KCTD8: variants seen among roughly 807,000 people sequenced by gnomAD.
KCTD8 encodes BTB/POZ domain-containing protein KCTD8.
A neutral mutation model predicts 31.5 loss-of-function variants in KCTD8; 27 were observed. That is an observed-to-expected ratio of 0.86 (90% CI 0.63 to 1.18). KCTD8 has a LOEUF of 1.18. Among genes scored for constraint, KCTD8 ranks in the 50% most tolerant of loss-of-function variants. The pLI is 0.00. For synonymous variants in KCTD8, 290 were observed against 280.0 expected, an observed-to-expected ratio of 1.04 and a Z score of -0.36; for missense variants, 658 against 647.7, an observed-to-expected ratio of 1.02 and a Z score of -0.17.
intron 1 of KCTD8, among the ~76,000 whole-genome samples, chr4:44,230,167 G>T (rs568308053): frequency 6.6e-6 from 1 of 152,148 alleles, no homozygotes; most frequent in African/African-American, 2.4e-5. Context: ...CGGATTCACC[G>T]CTGGTAACTT....
At chr4:44,270,299 C>A (rs534151297) in intron 1 of KCTD8, among the ~76,000 whole-genome samples, 2 of 149,116 alleles carry the variant, frequency 1.3e-5, no homozygotes, top group South Asian at 2.1e-4. Flanking sequence ...GGACAAAAAA[C>A]CAAACACTGC....
At chr4:44,235,021 T>G (rs556966708) in intron 1 of KCTD8, among the ~76,000 whole-genome samples, 11 of 152,168 alleles carry the variant, frequency 7.2e-5, no homozygotes, top group Non-Finnish European at 1.2e-4. Context: ...GCTTGCTTCT[T>G]GTCTTATCTA....
At chr4:44,199,052 G>A (rs1714036505) in intron 1 of KCTD8, among the ~76,000 whole-genome samples, 1 of 151,908 alleles carries the variant, frequency 6.6e-6, no homozygotes. Context: ...GAGGGACAAA[G>A]AAGGGCATTA....
chr4:44,310,954 A>C (rs1299619958), intron 1 of KCTD8, among the ~76,000 whole-genome samples: 2 of 152,092 alleles, frequency 1.3e-5, no homozygotes, highest in Non-Finnish European at 2.9e-5. Flanking sequence ...ACAAGACCAG[A>C]ACAAAGCAGA....
At chr4:44,242,733 A>G (rs1353035079) in intron 1 of KCTD8, among the ~76,000 whole-genome samples, 2 of 152,080 alleles carry the variant, frequency 1.3e-5, no homozygotes, top group Non-Finnish European at 2.9e-5. Flanking sequence ...ATTTCTCATG[A>G]ATGGTTTAGC....
chr4:44,381,657 G>T (rs943419204), intron 1 of KCTD8, among the ~76,000 whole-genome samples: 1 of 152,048 alleles, frequency 6.6e-6, no homozygotes, highest in African/African-American at 2.4e-5. Context: ...GAGGTGATTA[G>T]ATCATAGAGG....
chr4:44,334,947 T>C (rs1197681801), intron 1 of KCTD8, among the ~76,000 whole-genome samples: 5 of 152,080 alleles, frequency 3.3e-5, no homozygotes, highest in Non-Finnish European at 7.4e-5. Flanking sequence ...TCACACATAG[T>C]TGGCAAATTC....
intron 1 of KCTD8, among the ~76,000 whole-genome samples, chr4:44,338,090 T>C (rs1042499780): frequency 2.6e-5 from 4 of 152,018 alleles, no homozygotes; most frequent in Admixed American, 2.6e-4. Flanking sequence ...CCTCTTATTA[T>C]AAATAATATA....
At chr4:44,204,379 G>C (rs575164398) in intron 1 of KCTD8, among the ~76,000 whole-genome samples, 1 of 152,078 alleles carries the variant, frequency 6.6e-6, no homozygotes. Context: ...GTTAAAGATC[G>C]ACCCCTGATC....
At chr4:44,348,188 CT>C (rs1719083801) in intron 1 of KCTD8, among the ~76,000 whole-genome samples, 1 of 152,046 alleles carries the variant, frequency 6.6e-6, no homozygotes, top group African/African-American at 2.4e-5. Flanking sequence ...TGTAGGTCAG[CT>C]ATGAAAATCA....
At position 44,447,890 on chromosome 4, in the gene KCTD8, C is replaced by G; in HGVS notation, c.634G>C (p.Gly212Arg). ...ACGGTGGTGTAGGAGCCCCGGTAGC[C>G]CAGCGTGAGGAAGCCCGAGCGCTTG... ...QDKRSGFLTL[G>R]YRGSYTTVRD... is the part of the protein sequence containing the mutation. The change falls in exon 1 of 2, where the codon GGC (glycine) becomes CGC (arginine). Residue 212 changes from glycine to arginine, a missense_variant. By Grantham distance (125) the Gly-to-Arg change is moderately radical. Transcript: ENST00000360029. 6.5e-7 allele frequency: 1 copy of G among 1,534,704 alleles called. No homozygotes were observed. Among genetic ancestry groups the G allele is most frequent in the Non-Finnish European group, 8.8e-7 (1 of 1,137,706 alleles).
At chr4:44,401,003 TTTTC>T (rs1720636674) in intron 1 of KCTD8, among the ~76,000 whole-genome samples, 3 of 132,596 alleles carry the variant, frequency 2.3e-5, no homozygotes, top group African/African-American at 3.0e-5. Context: ...TGATGGCTAA[TTTTC>T]TTTCTTTTTT....
At chr4:44,241,879 C>A (rs1367971889) in intron 1 of KCTD8, among the ~76,000 whole-genome samples, 2 of 152,192 alleles carry the variant, frequency 1.3e-5, no homozygotes, top group Non-Finnish European at 2.9e-5. Flanking sequence ...ACACAAAATA[C>A]CTGCCTGCTC....
At chr4:44,304,779 G>T (rs1577605061) in intron 1 of KCTD8, among the ~76,000 whole-genome samples, 4 of 152,050 alleles carry the variant, frequency 2.6e-5, no homozygotes, top group African/African-American at 9.7e-5. Flanking sequence ...ATTCAGGGGG[G>T]TTAGATGGAA....
intron 1 of KCTD8, among the ~76,000 whole-genome samples, chr4:44,210,444 A>G (rs560377494): frequency 6.6e-6 from 1 of 152,352 alleles, no homozygotes; most frequent in South Asian, 2.1e-4. Context: ...CAATGAGGTT[A>G]TATAACAATT....
intron 1 of KCTD8, among the ~76,000 whole-genome samples, chr4:44,269,013 C>T (rs1662634964): frequency 6.6e-6 from 1 of 152,186 alleles, no homozygotes; most frequent in Admixed American, 6.5e-5. Context: ...CTACCAATGA[C>T]TTTCTTCACA....
At chr4:44,221,244 G>A (rs1351069287) in intron 1 of KCTD8, among the ~76,000 whole-genome samples, 1 of 151,936 alleles carries the variant, frequency 6.6e-6, no homozygotes, top group African/African-American at 2.4e-5. Flanking sequence ...CAGGATGGTG[G>A]AACATTGCAG....
chr4:44,372,145 T>C (rs1445485092), intron 1 of KCTD8, among the ~76,000 whole-genome samples: 1 of 152,210 alleles, frequency 6.6e-6, no homozygotes, highest in Admixed American at 6.5e-5. Flanking sequence ...GCACAGTGTG[T>C]CACTCACTCT....
At chr4:44,233,632 C>G (rs1447072995) in intron 1 of KCTD8, among the ~76,000 whole-genome samples, 1 of 152,098 alleles carries the variant, frequency 6.6e-6, no homozygotes, top group Non-Finnish European at 1.5e-5. Flanking sequence ...GACTATGTTG[C>G]TCTGTCCTTG....
Sources: gnomAD v4.1 joint callset for allele counts (sites outside exome capture counted in the v4.1 genomes callset) on GRCh38, gnomAD v4.1.1 for gene constraint, MANE v1.5 for transcripts, NCBI Gene and HGNC (gene_info 2026-07-23, HGNC 2026-07-21) for gene names.